Variants in TGFBR3 observed in about 807,000 individuals in gnomAD.
TGFBR3 encodes transforming growth factor beta receptor type 3.
Under a neutral mutation model 87.9 loss-of-function variants are expected in TGFBR3, and 46 were observed. That is an observed-to-expected ratio of 0.52 (90% confidence interval 0.41 to 0.67). The LOEUF is 0.67. Ranked by LOEUF, TGFBR3 falls within the 30% of genes least tolerant of loss-of-function variation. The pLI is 0.00. For missense variants in TGFBR3, 866 were observed against 1,041.9 expected, an observed-to-expected ratio of 0.83 and a Z score of 2.32; for synonymous variants, 381 against 391.6, an observed-to-expected ratio of 0.97 and a Z score of 0.32.
At chr1:91,902,997 G>T (rs570916191) in intron 1 of TGFBR3, among the ~76,000 whole-genome samples, 1 of 146,356 alleles carries the variant, frequency 6.8e-6, no homozygotes, top group East Asian at 2.0e-4. Context: ...TGACTCCCAA[G>T]TTCTGGTAAC....
At chr1:91,768,212 C>CAA (rs3039442) in intron 3 of TGFBR3, among the ~76,000 whole-genome samples, 43,415 of 127,014 alleles carry the variant, frequency 0.34, 7,433 homozygotes, top group South Asian at 0.43. Flanking sequence ...AACTCCATCT[C>CAA]AAAAAAAAAA....
intron 4 of TGFBR3, among the ~76,000 whole-genome samples, chr1:91,751,299 T>C (rs1002399941): frequency 2.6e-5 from 4 of 152,200 alleles, no homozygotes; most frequent in African/African-American, 9.7e-5. Context: ...ACAAGCAAAC[T>C]TGAATGTCTG....
chr1:91,830,819 G>C (rs921949393), intron 2 of TGFBR3, among the ~76,000 whole-genome samples: 3 of 152,132 alleles, frequency 2.0e-5, no homozygotes, highest in Non-Finnish European at 2.9e-5. Flanking sequence ...TGGTGCAAAA[G>C]GAATGATCCT....
At chr1:91,869,476 C>T (rs1186005581) in intron 1 of TGFBR3, among the ~76,000 whole-genome samples, 1 of 152,148 alleles carries the variant, frequency 6.6e-6, no homozygotes, top group Non-Finnish European at 1.5e-5. Context: ...ACCAACCTGG[C>T]CAACATGGTG....
At chr1:91,722,518 GACATATAAAGTA>G (rs1236717557) in intron 7 of TGFBR3, among the ~76,000 whole-genome samples, 53 of 151,984 alleles carry the variant, frequency 3.5e-4, no homozygotes, top group Middle Eastern at 3.4e-3. Flanking sequence ...TACTTAAAAT[GACATATAAAGTA>G]TACAAACAGA....
chr1:91,836,946 A>T (rs1677089115), intron 2 of TGFBR3, among the ~76,000 whole-genome samples: 2 of 152,324 alleles, frequency 1.3e-5, no homozygotes, highest in South Asian at 4.1e-4. Flanking sequence ...AGAATGCAGG[A>T]TCCTGTTTAA....
intron 2 of TGFBR3, among the ~76,000 whole-genome samples, chr1:91,838,339 C>T (rs1677133266): frequency 6.6e-6 from 1 of 152,020 alleles, no homozygotes; most frequent in Non-Finnish European, 1.5e-5. Flanking sequence ...TTTATTAATT[C>T]ACTAAAAACC....
At position 91,680,528 on chromosome 1, in the gene TGFBR3, G is replaced by GA; in HGVS notation, c.*3210dup. On this transcript the variant is annotated 3_prime_UTR_variant, in exon 17 of 17. Transcript: ENST00000212355. ...TACTCGTTTTACCCTCATAGATGAT[G>GA]AAAACCAGCAACAAAATCAGGCTCA... The GA allele has an allele frequency of 2.2e-6, 1 of 453,974 alleles. No individual in the cohort carries two copies. Among genetic ancestry groups the GA allele is most frequent in the Non-Finnish European group, 4.4e-6 (1 of 226,776 alleles). 28.1% of individuals were successfully genotyped at this position (453,974 alleles called of 1,614,324 possible).
chr1:91,682,920 C>T lies in TGFBR3; in HGVS notation c.*819G>A, dbSNP rs542342250. The T allele has an allele frequency of 6.6e-6, 3 of 453,708 alleles. No individual in the cohort carries two copies. Among genetic ancestry groups the T allele is most frequent in the African/African-American group, 2.0e-5 (1 of 50,096 alleles). 28.1% of individuals were successfully genotyped at this position (453,708 alleles called of 1,614,324 possible). ...TAACTGAATTTCACCTCAAATTATACATTAATTTGCAGAACAAAATATTAG... is the reference window on the plus strand; with the variant it reads ...TAACTGAATTTCACCTCAAATTATATATTAATTTGCAGAACAAAATATTAG... On this transcript the variant is annotated 3_prime_UTR_variant, in exon 17 of 17. Coordinates refer to ENST00000212355, the MANE Select transcript of TGFBR3 (RefSeq NM_003243.5).
At chr1:91,835,493 A>G (rs1477233863) in intron 2 of TGFBR3, among the ~76,000 whole-genome samples, 4 of 152,148 alleles carry the variant, frequency 2.6e-5, no homozygotes, top group African/African-American at 9.7e-5. Context: ...GGTAGTTTAC[A>G]TATCAGGCTG....
intron 2 of TGFBR3, among the ~76,000 whole-genome samples, chr1:91,859,852 TG>T (rs1237053336): frequency 1.4e-5 from 2 of 141,142 alleles, no homozygotes; most frequent in Non-Finnish European, 3.0e-5. Flanking sequence ...GAGGTTGCAG[TG>T]AGCCGAGATC....
intron 3 of TGFBR3, chr1:91,766,327 A>C (rs1674186118): frequency 6.6e-6 from 1 of 151,726 alleles, no homozygotes; most frequent in Non-Finnish European, 1.5e-5. Context: ...TGAGCCACAC[A>C]GTACCTAGCC....
intron 2 of TGFBR3, among the ~76,000 whole-genome samples, chr1:91,859,656 T>C (rs1015128907): frequency 5.9e-5 from 9 of 152,104 alleles, no homozygotes; most frequent in African/African-American, 2.2e-4. Flanking sequence ...CCAGGGGAAG[T>C]GGCTCACGCC....
At chr1:91,747,890 CTT>C (rs1228877439) in intron 4 of TGFBR3, among the ~76,000 whole-genome samples, 1 of 152,202 alleles carries the variant, frequency 6.6e-6, no homozygotes, top group African/African-American at 2.4e-5. Flanking sequence ...TCCCTGCGGA[CTT>C]TGATTGCCCT....
At chr1:91,815,940 G>A (rs1378898625) in intron 2 of TGFBR3, among the ~76,000 whole-genome samples, 1 of 152,202 alleles carries the variant, frequency 6.6e-6, no homozygotes, top group Non-Finnish European at 1.5e-5. Context: ...GGCTCAGCTT[G>A]TATATTCATT....
intron 14 of TGFBR3, among the ~76,000 whole-genome samples, chr1:91,704,506 G>C (rs1223202462): frequency 6.6e-6 from 1 of 152,160 alleles, no homozygotes; most frequent in African/African-American, 2.4e-5. Context: ...GCCTGAATTT[G>C]AATCCCAGAT....
At chr1:91,884,603 T>G (rs888578522) in intron 1 of TGFBR3, among the ~76,000 whole-genome samples, 1 of 152,040 alleles carries the variant, frequency 6.6e-6, no homozygotes, top group Non-Finnish European at 1.5e-5. Context: ...AGCTTTGGAG[T>G]CAGAACTAAC....
At chr1:91,904,785 C>T (rs1394295667) in intron 1 of TGFBR3, among the ~76,000 whole-genome samples, 1 of 151,854 alleles carries the variant, frequency 6.6e-6, no homozygotes, top group Admixed American at 6.6e-5. Context: ...AGGCTGGTCT[C>T]GAACTCCTGA....
At position 91,683,374 on chromosome 1, in the gene TGFBR3, G is replaced by A. The variant is rs966727059; in HGVS notation, c.*365C>T. On this transcript the variant is annotated 3_prime_UTR_variant, in exon 17 of 17. Coordinates refer to ENST00000212355, the MANE Select transcript of TGFBR3 (RefSeq NM_003243.5). Reference sequence around the variant, plus strand: ...AACCCTTTACCAACTCCTTGAGTCTGGGTAAAACTCAGGGCCCCAAATTAT... The same window carrying A: ...AACCCTTTACCAACTCCTTGAGTCTAGGTAAAACTCAGGGCCCCAAATTAT... 8 of 500,112 alleles carry A rather than the reference G, an allele frequency of 1.6e-5. No homozygotes were observed. The highest frequency in any genetic ancestry group is 1.2e-4 in the African/African-American group (6 of 51,856). The allele number at this position is 500,112 out of a possible 1,614,324, so 31.0% of individuals were successfully genotyped here. A position where few individuals can be genotyped will look rare whatever the true frequency, so the allele number is the denominator to read the frequency against.
Sources: allele counts gnomAD v4.1 joint callset (sites outside exome capture counted in the v4.1 genomes callset), GRCh38; gene constraint gnomAD v4.1.1; transcripts MANE v1.5; gene names NCBI Gene and HGNC (gene_info 2026-07-23, HGNC 2026-07-21).